Variants in ABR observed in about 807,000 individuals in gnomAD.
ABR encodes the protein ABR activator of RhoGEF and GTPase.
ABR carries 35 observed loss-of-function variants against 107.2 expected under a neutral mutation model. The ratio of observed to expected loss-of-function variants is 0.33; its 90% CI spans 0.25 to 0.43. The LOEUF is 0.43. Ranked by LOEUF, ABR falls within the 20% of genes least tolerant of loss-of-function variation. The pLI is 1.00. For missense variants in ABR, 815 were observed against 1,115.2 expected (o/e 0.73, Z 3.83); for synonymous variants, 498 against 462.0 (o/e 1.08, Z -1.00).
chr17:1,177,232 A>G (rs1239561534), intron 1 of ABR, among the ~76,000 whole-genome samples: 1 of 152,218 alleles, frequency 6.6e-6, no homozygotes, highest in African/African-American at 2.4e-5. Context: ...GCTCTTGTCA[A>G]GAGGAAAGTT....
intron 1 of ABR, among the ~76,000 whole-genome samples, chr17:1,142,269 G>A (rs951900877): frequency 6.6e-6 from 1 of 152,018 alleles, no homozygotes; most frequent in Non-Finnish European, 1.5e-5. Flanking sequence ...ACACTGAAGT[G>A]AGCGTCTTTA....
intron 12 of ABR, chr17:1,057,716 AGG>A (rs1491048968): frequency 4.4e-6 from 2 of 458,054 alleles, no homozygotes; most frequent in Non-Finnish European, 8.1e-6. Flanking sequence ...AGAGAGAGAG[AGG>A]TAGAGAGAGA....
rs946049953 is a variant in ABR, at chr17:1,214,863, C to T, written c.838+13930G>A. On this transcript the variant is annotated intron_variant, in intron 1 of 22. Coordinates refer to the ABR transcript ENST00000574139. ...TTTCCCTGTAATGTGGCAGCTATCT[C>T]GGTGTATATAAGCTCAATGGCCAAG... Among the ~76,000 whole-genome samples, 22 of 151,772 alleles carry T rather than the reference C, an allele frequency of 1.4e-4. No homozygotes were observed. The East Asian group carries it at 1.5e-3, about 11-fold the overall frequency.
intron 4 of ABR, among the ~76,000 whole-genome samples, chr17:1,087,548 G>A (rs1178609148): frequency 2.6e-5 from 4 of 151,882 alleles, no homozygotes; most frequent in East Asian, 3.9e-4. Context: ...AAAAGAGGGC[G>A]GGGCCTGAGT....
intron 1 of ABR, among the ~76,000 whole-genome samples, chr17:1,212,850 C>G (rs2042929399): frequency 6.6e-6 from 1 of 151,710 alleles, no homozygotes; most frequent in Admixed American, 6.6e-5. Flanking sequence ...AATCTCTCCA[C>G]TTCACTCCAG....
rs1434930000 is a variant in ABR, at chr17:1,148,095, T to TG, written c.62-22729dup. Among the ~76,000 whole-genome samples, 6 of 152,360 alleles carry TG rather than the reference T, an allele frequency of 3.9e-5. No individual in the cohort carries two copies. In the East Asian group the frequency reaches 1.2e-3, roughly 29 times the overall value. ...CCCACGGTAAGCTTCAAGGATGGCCTGCTTGCTGCTGATGAGTGAAGTAAG... is the reference window on the plus strand; with the variant it reads ...CCCACGGTAAGCTTCAAGGATGGCCTGGCTTGCTGCTGATGAGTGAAGTAAG... On this transcript the variant is annotated intron_variant, in intron 1 of 22. Coordinates refer to ENST00000302538, the MANE Select transcript of ABR (RefSeq NM_021962.5). This position sits in a 1 kb window ranked among gnomAD's most constrained non-coding sequence, Gnocchi z 4.9.
chr17:1,174,366 C>A (rs1291581155), intron 1 of ABR, among the ~76,000 whole-genome samples: 1 of 152,170 alleles, frequency 6.6e-6, no homozygotes, highest in Admixed American at 6.5e-5. Context: ...CTAGCACACA[C>A]GGAGGGGTCT....
At chr17:1,183,940 G>A (rs555289346), upstream of ABR, among the ~76,000 whole-genome samples, 16 of 152,304 alleles carry the variant, frequency 1.1e-4, no homozygotes, top group African/African-American at 3.8e-4. Flanking sequence ...GCCAGGCGCG[G>A]TGGCTCATGC....
In ABR at chr17:1,113,309, C is replaced by T. The variant is rs200372319; in HGVS notation, c.246+11874G>A. Among the ~76,000 whole-genome samples the T allele has an allele frequency of 2.8e-4, 25 of 87,852 alleles. No homozygotes were observed. In the South Asian group the frequency reaches 4.6e-3, roughly 16 times the overall value. 57.6% of individuals were successfully genotyped at this position (87,852 alleles called of 152,430 possible). A position where few individuals can be genotyped will look rare whatever the true frequency, so the allele number is the denominator to read the frequency against. On this transcript the variant is annotated intron_variant, in intron 2 of 22. Coordinates refer to ENST00000302538, the MANE Select transcript of ABR (RefSeq NM_021962.5). ...TTTTTTTTTTTTTTTTTTTTTGAGACGGAGTCTCGCTCTGTCACCCAGGCT... is the reference window on the plus strand; with the variant it reads ...TTTTTTTTTTTTTTTTTTTTTGAGATGGAGTCTCGCTCTGTCACCCAGGCT...
Position 1,004,862 on chromosome 17 carries a change from C to T in ABR, c.*1218G>A, listed in dbSNP as rs933920180. 52 of 395,928 alleles carry T rather than the reference C, an allele frequency of 1.3e-4. 1 individual carries two copies. The highest frequency in any genetic ancestry group is 2.1e-4 in the Non-Finnish European group (48 of 224,732). The allele number at this position is 395,928 out of a possible 1,614,324, so 24.5% of individuals were successfully genotyped here. On this transcript the variant is annotated 3_prime_UTR_variant, in exon 23 of 23. Transcript: ENST00000302538. ...ACCGTGGGCCTGTGCCTTTGCTTCC[C>T]AGGTCCTGGAGGACCGTGGCAGTGC...
intron 1 of ABR, among the ~76,000 whole-genome samples, chr17:1,140,108 G>T (rs2040230515): frequency 6.6e-6 from 1 of 152,222 alleles, no homozygotes; most frequent in Non-Finnish European, 1.5e-5. Flanking sequence ...TGACTGTGGT[G>T]CATGAGATGA....
rs35379118 is a variant in ABR at position 1,051,802 on chromosome 17, G to A, written c.1562-1168C>T. On this transcript the variant is annotated intron_variant, in intron 14 of 22. Transcript: ENST00000302538. This position sits in a 1 kb window ranked among gnomAD's most constrained non-coding sequence, Gnocchi z 4.3. ...AGAACAGCTTTCCTGGCCGGGCAAGGTGGCTCACGCCTGTAAATCCCAGCA... is the reference window on the plus strand; with the variant it reads ...AGAACAGCTTTCCTGGCCGGGCAAGATGGCTCACGCCTGTAAATCCCAGCA... 9.3e-3 allele frequency among the ~76,000 whole-genome samples: 1,422 copies of A among 152,296 alleles called. 10 individuals are homozygous for A. Among genetic ancestry groups the A allele is most frequent in the Non-Finnish European group, 0.015 (1,044 of 68,008 alleles).
chr17:1,143,083 G>A (rs2040366590), intron 1 of ABR, among the ~76,000 whole-genome samples: 1 of 62,698 alleles, frequency 1.6e-5, no homozygotes, highest in South Asian at 6.7e-4. Flanking sequence ...GCTCCTGGGG[G>A]ACAGCTCATT....
intron 1 of ABR, among the ~76,000 whole-genome samples, chr17:1,209,877 C>G (rs2042869275): frequency 6.6e-6 from 1 of 152,196 alleles, no homozygotes. Flanking sequence ...GAAAAAGTTG[C>G]ATTTATCAAA....
intron 2 of ABR, among the ~76,000 whole-genome samples, chr17:1,117,968 G>T (rs1201628166): frequency 0.014 from 846 of 58,432 alleles, no homozygotes; most frequent in Admixed American, 0.02. Flanking sequence ...TCTCCCCAGC[G>T]TTATCCCTGA....
At chr17:1,163,555 A>C (rs373014084) in intron 1 of ABR, among the ~76,000 whole-genome samples, 9 of 128,500 alleles carry the variant, frequency 7.0e-5, no homozygotes, top group African/African-American at 2.4e-4. Flanking sequence ...GGACCCTGGC[A>C]AAGTGTCACA....
intron 2 of ABR, among the ~76,000 whole-genome samples, chr17:1,123,218 G>A (rs2039429949): frequency 6.6e-6 from 1 of 152,100 alleles, no homozygotes; most frequent in South Asian, 2.1e-4. Flanking sequence ...TGGGACCTTT[G>A]CCCGGACGAT....
intron 18 of ABR, chr17:1,012,294 C>T (rs771313524): frequency 7.8e-6 from 5 of 642,682 alleles, no homozygotes; most frequent in Non-Finnish European, 1.2e-5. Flanking sequence ...GCAGGCAGCC[C>T]ACATGAGGAG....
intron 11 of ABR, among the ~76,000 whole-genome samples, chr17:1,058,493 G>T (rs1597597325): frequency 1.3e-5 from 2 of 152,168 alleles, no homozygotes; most frequent in East Asian, 3.9e-4. Flanking sequence ...GGCAGCTGGG[G>T]GTGGGTGGGT....
Sources: gnomAD v4.1 joint callset for allele counts (sites outside exome capture counted in the v4.1 genomes callset) on GRCh38, gnomAD v4.1.1 for gene constraint, Gnocchi (gnomAD v3.1) non-coding constraint, MANE v1.5 for transcripts, NCBI Gene and HGNC (gene_info 2026-07-23, HGNC 2026-07-21) for gene names.